CHODL: variants seen among roughly 807,000 people sequenced by gnomAD.
CHODL encodes chondrolectin.
A neutral mutation model predicts 34.5 loss-of-function variants in CHODL; 29 were observed. That is an observed-to-expected ratio of 0.84 (90% confidence interval 0.63 to 1.15). CHODL has a LOEUF of 1.15. Ranked by LOEUF, CHODL falls within the 50% of genes most tolerant of loss-of-function variation. The pLI is 0.00. For missense variants in CHODL, 332 were observed against 332.5 expected, an observed-to-expected ratio of 1.00 and a Z score of 0.01; for synonymous variants, 125 against 116.1, an observed-to-expected ratio of 1.08 and a Z score of -0.49.
rs2064811759 is a variant in CHODL at position 18,072,039 on chromosome 21, C to T, written c.-45+44068C>T. On this transcript the variant is annotated intron_variant, in intron 2 of 6. Transcript: ENST00000400127. ...TGCATTACAGAAGTATATGGCTGAG[C>T]TGCTAGCAGATCTTAACATTCTTAA... Among the ~76,000 whole-genome samples, 2 of 151,872 alleles carry T rather than the reference C, an allele frequency of 1.3e-5. 1 individual carries two copies. Among genetic ancestry groups the T allele is most frequent in the African/African-American group, 4.8e-5 (2 of 41,386 alleles).
At chr21:17,946,928 T>A (rs1040035288) in intron 1 of CHODL, among the ~76,000 whole-genome samples, 6 of 152,170 alleles carry the variant, frequency 3.9e-5, no homozygotes, top group Non-Finnish European at 8.8e-5. Context: ...GTTTTATAGA[T>A]CCTTTCTTCC....
At chr21:17,990,721 A>C (rs1410129024) in intron 1 of CHODL, among the ~76,000 whole-genome samples, 1 of 152,230 alleles carries the variant, frequency 6.6e-6, no homozygotes, top group Admixed American at 6.5e-5. Flanking sequence ...TATTTATAGG[A>C]TACATGTAAT....
At chr21:18,089,742 G>A (rs1193259635) in intron 2 of CHODL, among the ~76,000 whole-genome samples, 2 of 151,316 alleles carry the variant, frequency 1.3e-5, no homozygotes, top group African/African-American at 4.9e-5. Flanking sequence ...GAAATAAAAA[G>A]CTTTTAAACT....
At chr21:18,049,844 T>C (rs2064491637) in intron 2 of CHODL, among the ~76,000 whole-genome samples, 1 of 151,988 alleles carries the variant, frequency 6.6e-6, no homozygotes, top group African/African-American at 2.4e-5. Flanking sequence ...GGGTTAGGAC[T>C]TCAACACATG....
intron 2 of CHODL, among the ~76,000 whole-genome samples, chr21:18,091,229 G>A (rs1249169651): frequency 2.0e-5 from 3 of 152,214 alleles, no homozygotes; most frequent in African/African-American, 7.2e-5. Context: ...TTGGCACCAT[G>A]AGCTGAAGTG....
chr21:18,023,231 G>A (rs1219937135), intron 1 of CHODL, among the ~76,000 whole-genome samples: 2 of 152,050 alleles, frequency 1.3e-5, no homozygotes, highest in Non-Finnish European at 2.9e-5. Context: ...AAGGGGGTGG[G>A]GACTGGCTCA....
At chr21:17,933,485 A>T (rs2063292893) in intron 1 of CHODL, among the ~76,000 whole-genome samples, 1 of 152,222 alleles carries the variant, frequency 6.6e-6, no homozygotes, top group Non-Finnish European at 1.5e-5. Flanking sequence ...AACAAAGCAC[A>T]TCTTGCATAG....
At position 18,045,654 on chromosome 21, in the gene CHODL, T is replaced by C. The variant is rs371049449; in HGVS notation, c.-45+17683T>C. On this transcript the variant is annotated intron_variant, in intron 2 of 6. Transcript: ENST00000400127. ...TAATTCACCTGCTATGGTTTTAATA[T>C]TTGTGTACACTCCAAAGTTCATGTT... 1.3e-4 allele frequency among the ~76,000 whole-genome samples: 20 copies of C among 152,108 alleles called. No homozygotes were observed. In the East Asian group the frequency reaches 3.3e-3, roughly 25 times the overall value.
intron 2 of CHODL, among the ~76,000 whole-genome samples, chr21:18,157,868 A>C (rs1206643026): frequency 6.6e-6 from 1 of 152,168 alleles, no homozygotes; most frequent in Non-Finnish European, 1.5e-5. Context: ...AATAATTATT[A>C]ATTCTAACTT....
chr21:18,234,031 G>T (rs2074006210), intron 2 of CHODL, among the ~76,000 whole-genome samples: 1 of 152,064 alleles, frequency 6.6e-6, no homozygotes, highest in South Asian at 2.1e-4. Flanking sequence ...CTGGAATAAA[G>T]AAAGAAATTT....
intron 1 of CHODL, among the ~76,000 whole-genome samples, chr21:17,919,238 G>A (rs945696032): frequency 6.6e-6 from 1 of 152,218 alleles, no homozygotes; most frequent in South Asian, 2.1e-4. Flanking sequence ...CTGTGTTGGA[G>A]CTCTGACCCC....
chr21:18,060,125 A>C (rs154737), intron 2 of CHODL, among the ~76,000 whole-genome samples: 64,186 of 151,874 alleles, frequency 0.42, 14,329 homozygotes, highest in East Asian at 0.82. Flanking sequence ...GCCTCCTTCT[A>C]ACCAGTTCTC....
chr21:18,003,812 C>T (rs2063934327), intron 1 of CHODL, among the ~76,000 whole-genome samples: 1 of 152,192 alleles, frequency 6.6e-6, no homozygotes, highest in South Asian at 2.1e-4. Flanking sequence ...CAGCTCACTG[C>T]TTAGCGACCT....
At chr21:17,967,716 G>C (rs1287747132) in intron 1 of CHODL, among the ~76,000 whole-genome samples, 2 of 150,946 alleles carry the variant, frequency 1.3e-5, no homozygotes, top group African/African-American at 2.4e-5. Flanking sequence ...AGTGCAAGGA[G>C]AGTGTACATA....
intron 2 of CHODL, among the ~76,000 whole-genome samples, chr21:18,053,751 A>T (rs1223222720): frequency 2.6e-5 from 4 of 151,898 alleles, no homozygotes; most frequent in African/African-American, 4.8e-5. Flanking sequence ...GAGGCAATAG[A>T]TTGCTTTTCA....
intron 1 of CHODL, among the ~76,000 whole-genome samples, chr21:18,010,333 GA>G (rs1386438781): frequency 1.4e-5 from 2 of 142,166 alleles, no homozygotes; most frequent in Admixed American, 7.0e-5. Context: ...GAAGAAAAAG[GA>G]AAAAAAAAGA....
intron 1 of CHODL, among the ~76,000 whole-genome samples, chr21:18,003,410 A>C (rs1019518754): frequency 6.7e-6 from 1 of 149,318 alleles, no homozygotes; most frequent in Non-Finnish European, 1.5e-5. Flanking sequence ...TTAATTATAA[A>C]AATTAATATA....
At chr21:17,933,514 C>T (rs2063293095) in intron 1 of CHODL, among the ~76,000 whole-genome samples, 1 of 152,168 alleles carries the variant, frequency 6.6e-6, no homozygotes, top group African/African-American at 2.4e-5. Context: ...CCATTTAACC[C>T]TGAGTTGACA....
chr21:18,196,821 G>GTGGGGTGGTTGC, intron 2 of CHODL, among the ~76,000 whole-genome samples: 1 of 152,128 alleles, frequency 6.6e-6, no homozygotes, highest in Non-Finnish European at 1.5e-5. Context: ...GTTGCTGGGG[G>GTGGGGTGGTTGC]TGGGAGCAAT....
Sources: gnomAD v4.1 joint callset for allele counts (sites outside exome capture counted in the v4.1 genomes callset) on GRCh38, gnomAD v4.1.1 for gene constraint, MANE v1.5 for transcripts, NCBI Gene and HGNC (gene_info 2026-07-23, HGNC 2026-07-21) for gene names.